Variants in RXYLT1 observed in about 807,000 individuals in gnomAD.
The protein encoded by RXYLT1 is ribitol xylosyltransferase 1.
In RXYLT1, 41 loss-of-function variants were observed where a neutral mutation model predicts 43.5. That is an observed-to-expected ratio of 0.94 (90% confidence interval 0.73 to 1.22). The LOEUF is 1.22. Ranked by LOEUF, RXYLT1 falls within the 50% of genes most tolerant of loss-of-function variation. The probability of loss-of-function intolerance (pLI) is 0.00; values close to 1 mark genes in which losing one functional copy is unlikely to be tolerated. For missense variants in RXYLT1, 514 were observed against 532.0 expected (o/e 0.97, Z 0.33); for synonymous variants, 166 against 194.4 (o/e 0.85, Z 1.21).
In RXYLT1 at chr12:63,802,172, A is replaced by G. The variant is rs1235150202; in HGVS notation, c.510A>G (p.Glu170=). The G allele has an allele frequency of 5.0e-6, 8 of 1,614,126 alleles. No individual in the cohort carries two copies. Among genetic ancestry groups the G allele is most frequent in the Non-Finnish European group, 6.8e-6 (8 of 1,180,020 alleles). ...TGGTACTCATTTTAAATGGAAGAGA[A>G]AAAGCAAAGATCTTTTATGCCACCC... is the stretch of plus-strand genomic sequence containing the variant. ...NNVVLILNGR[E]KAKIFYATQW... The change falls in exon 4 of 6, where the codon GAA becomes GAG. Residue 170 remains glutamate (E), a synonymous_variant. Coordinates refer to ENST00000261234, the MANE Select transcript of RXYLT1 (RefSeq NM_014254.3).
At chr12:63,792,812 T>C (rs997702018) in intron 3 of RXYLT1, among the ~76,000 whole-genome samples, 9 of 152,230 alleles carry the variant, frequency 5.9e-5, no homozygotes, top group Non-Finnish European at 1.3e-4. Context: ...GATTGAACCA[T>C]GGTCCTCCCT....
At chr12:63,790,543 G>A (rs1030818006) in intron 3 of RXYLT1, 3 of 152,102 alleles carry the variant, frequency 2.0e-5, no homozygotes, top group African/African-American at 7.3e-5. Flanking sequence ...ATTTTTTTCA[G>A]ACAGAGTCTT....
At position 63,779,952 on chromosome 12, in the gene RXYLT1, C is replaced by A. The variant is rs777901533; in HGVS notation, c.-9C>A. 1 of 1,610,638 alleles carries A rather than the reference C, an allele frequency of 6.2e-7. No individual in the cohort carries two copies. The highest frequency in any genetic ancestry group is 8.5e-7 in the Non-Finnish European group (1 of 1,178,964). ...TGGCGGTGGATGCCTGACTGGAAGC[C>A]CGAGTGGGATGCGGCTGACGCGGAA... On this transcript the variant is annotated 5_prime_UTR_variant, in exon 1 of 6. Coordinates refer to ENST00000261234, the MANE Select transcript of RXYLT1 (RefSeq NM_014254.3).
intron 5 of RXYLT1, chr12:63,806,170 G>T (rs1332575777): frequency 6.6e-6 from 1 of 152,200 alleles, no homozygotes; most frequent in Non-Finnish European, 1.5e-5. Flanking sequence ...TATTCGTTCA[G>T]TCAGTGTTTA....
intron 4 of RXYLT1, chr12:63,804,907 A>G (rs1565907032): frequency 5.3e-6 from 1 of 188,990 alleles, no homozygotes; most frequent in Non-Finnish European, 1.1e-5. Context: ...ATGAATAGAG[A>G]AGAGTCTTTA....
rs1040911684 is a variant in RXYLT1, at chr12:63,781,156, T to G, written c.307T>G (p.Trp103Gly). Residue 103 changes from tryptophan (W) to glycine (G), a missense_variant, in exon 2 of 6, where the codon TGG becomes GGG. Coordinates refer to ENST00000261234, the MANE Select transcript of RXYLT1 (RefSeq NM_014254.3). ...AAAAACAGATCTCAGTGTACAAATCTGGGGCAAAGCTGCCATTGGTAAGTT... is the reference window on the plus strand; with the variant it reads ...AAAAACAGATCTCAGTGTACAAATCGGGGGCAAAGCTGCCATTGGTAAGTT... ...KGKTDLSVQI[W>G]GKAAIGLYLW... 3.2e-6 allele frequency: 5 copies of G among 1,578,958 alleles called. No homozygotes were observed. In the African/African-American group the frequency reaches 4.1e-5, roughly 13 times the overall value.
intron 1 of RXYLT1, 104 bp downstream of exon 1, chr12:63,780,233 C>T (rs1432862404): frequency 1.4e-6 from 2 of 1,387,520 alleles, no homozygotes; most frequent in East Asian, 2.9e-5. Context: ...CCGGGATTAC[C>T]CGCAGGGCCT....
At position 63,785,082 on chromosome 12, in the gene RXYLT1, G is replaced by C. The variant is rs1260290014; in HGVS notation, c.428+10G>C. ...GAAGAACACAGTACAGGTATTGGTTGTATTAGTTGTGCAACATTAACCTTT... is the reference window on the plus strand; with the variant it reads ...GAAGAACACAGTACAGGTATTGGTTCTATTAGTTGTGCAACATTAACCTTT... On this transcript the variant is annotated intron_variant, in intron 3 of 5. Coordinates refer to ENST00000261234, the MANE Select transcript of RXYLT1 (RefSeq NM_014254.3). 1 of 1,590,514 alleles carries C rather than the reference G, an allele frequency of 6.3e-7. No homozygotes were observed. Among genetic ancestry groups the C allele is most frequent in the East Asian group, 2.2e-5 (1 of 44,660 alleles).
At chr12:63,799,107 A>G (rs1898098430) in intron 3 of RXYLT1, among the ~76,000 whole-genome samples, 3 of 152,162 alleles carry the variant, frequency 2.0e-5, no homozygotes, top group Admixed American at 6.5e-5. Context: ...TTACCAAAAC[A>G]CAGGGAGTTG....
At position 63,781,141 on chromosome 12, in the gene RXYLT1, C is replaced by G; in HGVS notation, c.292C>G (p.Leu98Val). 2 of 1,602,152 alleles carry G rather than the reference C, an allele frequency of 1.2e-6. No individual in the cohort carries two copies. The highest frequency in any genetic ancestry group is 1.7e-6 in the Non-Finnish European group (2 of 1,175,224). ...TAAATCCACGAAAGGAAAAACAGAT[C>G]TCAGTGTACAAATCTGGGGCAAAGC... ...LDKSTKGKTDLSVQIWGKAAI... is the reference protein window; with the variant it reads ...LDKSTKGKTDVSVQIWGKAAI... Residue 98 changes from leucine (L) to valine (V), a missense_variant, in exon 2 of 6, where the codon CTC (leucine) becomes GTC (valine). Physicochemically the swap from Leu to Val is conservative, Grantham distance 32. Coordinates refer to ENST00000261234, the MANE Select transcript of RXYLT1 (RefSeq NM_014254.3).
At position 63,784,838 on chromosome 12, in the gene RXYLT1, C is replaced by T. The variant is rs1285190494; in HGVS notation, c.326-132C>T. Reference sequence around the variant, plus strand: ...GCTGTTGCTTGATAGCACTGCCTGCCAACGGCCCAAAGGAGAGGCATTCTG... The same window carrying T: ...GCTGTTGCTTGATAGCACTGCCTGCTAACGGCCCAAAGGAGAGGCATTCTG... On this transcript the variant is annotated intron_variant, in intron 2 of 5. Coordinates refer to ENST00000261234, the MANE Select transcript of RXYLT1 (RefSeq NM_014254.3). 9.6e-6 allele frequency: 6 copies of T among 624,012 alleles called. No individual in the cohort carries two copies. In the East Asian group the frequency reaches 1.2e-4, roughly 12 times the overall value. The allele number at this position is 624,012 out of a possible 1,614,324, so 38.7% of individuals were successfully genotyped here. A position where few individuals can be genotyped will look rare whatever the true frequency, so the allele number is the denominator to read the frequency against.
At chr12:63,797,041 G>T (rs1395744044) in intron 3 of RXYLT1, among the ~76,000 whole-genome samples, 1 of 142,816 alleles carries the variant, frequency 7.0e-6, no homozygotes, top group Admixed American at 7.4e-5. Context: ...TTGGCTCACT[G>T]CAACCTCCAC....
chr12:63,783,077 C>T (rs766324445), intron 2 of RXYLT1, among the ~76,000 whole-genome samples: 3 of 152,152 alleles, frequency 2.0e-5, no homozygotes, highest in Non-Finnish European at 4.4e-5. Context: ...TCCAACTAAG[C>T]TTTTTACTGT....
intron 1 of RXYLT1, 103 bp downstream of exon 1, chr12:63,780,232 C>G (rs1214130580): frequency 4.3e-6 from 6 of 1,387,334 alleles, no homozygotes; most frequent in East Asian, 5.8e-5. Context: ...TCCGGGATTA[C>G]CCGCAGGGCC....
chr12:63,808,417 C>T (rs1366829967), intron 5 of RXYLT1: 6 of 449,712 alleles, frequency 1.3e-5, no homozygotes, highest in East Asian at 4.8e-5. Context: ...CCCAAAGTAT[C>T]GGTTGAATTA....
At chr12:63,803,942 C>T (rs1193482044) in intron 4 of RXYLT1, 2 of 151,714 alleles carry the variant, frequency 1.3e-5, no homozygotes, top group Non-Finnish European at 2.9e-5. Flanking sequence ...CAACCTCTGC[C>T]TCCCAGGTTC....
At chr12:63,793,350 A>G (rs1897959837) in intron 3 of RXYLT1, among the ~76,000 whole-genome samples, 1 of 152,082 alleles carries the variant, frequency 6.6e-6, no homozygotes, top group Non-Finnish European at 1.5e-5. Flanking sequence ...TATGTTTACT[A>G]CTTAGTGAAT....
chr12:63,807,505 T>A (rs994526277), intron 5 of RXYLT1: 6 of 152,250 alleles, frequency 3.9e-5, no homozygotes, highest in African/African-American at 1.2e-4. Context: ...CACCTCCGCC[T>A]TTCTTACTTT....
chr12:63,808,989 G>T lies in RXYLT1; in HGVS notation c.1229G>T (p.Arg410Ile). The T allele has an allele frequency of 1.9e-6, 3 of 1,612,066 alleles. No homozygotes were observed. Residue 410 changes from arginine to isoleucine, a missense_variant, in exon 6 of 6, where the codon AGA becomes ATA. Transcript: ENST00000261234. ...ATAATTTTACAAGAAAAAATTGAAA[G>T]AAGAAAAATGTTACTTCAGTGGTAT... ...KTIILQEKIE[R>I]RKMLLQWYQH...
Sources: gnomAD v4.1 joint callset for allele counts (sites outside exome capture counted in the v4.1 genomes callset) on GRCh38, gnomAD v4.1.1 for gene constraint, MANE v1.5 for transcripts, NCBI Gene and HGNC (gene_info 2026-07-23, HGNC 2026-07-21) for gene names.